Variants in GSTCD observed in about 807,000 individuals in gnomAD.
GSTCD encodes glutathione S-transferase C-terminal domain-containing protein.
GSTCD carries 44 observed loss-of-function variants against 68.3 expected under a neutral mutation model. The ratio of observed to expected loss-of-function variants is 0.64; its 90% CI spans 0.51 to 0.83. The LOEUF is 0.83. Among genes scored for constraint, GSTCD ranks in the 40% least tolerant of loss-of-function variants. GSTCD has a pLI of 0.00. For missense variants in GSTCD, 739 were observed against 735.9 expected, an observed-to-expected ratio of 1.00 and a Z score of -0.05; for synonymous variants, 273 against 255.2, an observed-to-expected ratio of 1.07 and a Z score of -0.67.
intron 5 of GSTCD, among the ~76,000 whole-genome samples, chr4:105,752,166 G>T (rs1292227875): frequency 2.6e-5 from 4 of 152,058 alleles, no homozygotes; most frequent in African/African-American, 9.7e-5. Context: ...TTCTGTTTGT[G>T]AGCCGTGAAA....
intron 8 of GSTCD, among the ~76,000 whole-genome samples, chr4:105,831,978 AT>A (rs1723915093): frequency 6.6e-6 from 1 of 152,142 alleles, no homozygotes; most frequent in Non-Finnish European, 1.5e-5. Flanking sequence ...ATTTTGTCAG[AT>A]TTATTAACCT....
chr4:105,720,777 C>T (rs1314596264), intron 3 of GSTCD, among the ~76,000 whole-genome samples: 1 of 152,176 alleles, frequency 6.6e-6, no homozygotes, highest in Non-Finnish European at 1.5e-5. Context: ...GTCATTAGAG[C>T]AGTCATTTGA....
At chr4:105,719,673 GTGA>G (rs1270315203) in intron 3 of GSTCD, 146 bp downstream of exon 3, 1 of 641,816 alleles carries the variant, frequency 1.6e-6, no homozygotes, top group African/African-American at 1.8e-5. Flanking sequence ...CTGTAAAATG[GTGA>G]TAATAATAGT....
At chr4:105,797,854 A>C (rs562867707) in intron 5 of GSTCD, among the ~76,000 whole-genome samples, 1 of 144,284 alleles carries the variant, frequency 6.9e-6, no homozygotes, top group Non-Finnish European at 1.5e-5. Context: ...GGCTCACTGC[A>C]ACCTCCGCCT....
chr4:105,772,833 C>G (rs1258006554), intron 5 of GSTCD, among the ~76,000 whole-genome samples: 1 of 152,064 alleles, frequency 6.6e-6, no homozygotes, highest in Non-Finnish European at 1.5e-5. Context: ...TTTGTTGTGT[C>G]TCTGCCAGGT....
At chr4:105,816,576 G>A (rs1271912079) in intron 5 of GSTCD, among the ~76,000 whole-genome samples, 1 of 151,998 alleles carries the variant, frequency 6.6e-6, no homozygotes, top group East Asian at 1.9e-4. Flanking sequence ...AAAAACTGAA[G>A]TAAAATACAT....
chr4:105,801,377 A>T (rs527720200), intron 5 of GSTCD, among the ~76,000 whole-genome samples: 2 of 152,154 alleles, frequency 1.3e-5, no homozygotes, highest in Non-Finnish European at 2.9e-5. Flanking sequence ...AATAATGAGA[A>T]TTGACTGTAT....
At chr4:105,786,485 G>T (rs1388769433) in intron 5 of GSTCD, among the ~76,000 whole-genome samples, 4 of 149,378 alleles carry the variant, frequency 2.7e-5, no homozygotes, top group African/African-American at 1.0e-4. Context: ...ACTGCACTCT[G>T]CCCTGGGCAA....
At chr4:105,729,612 T>C (rs945271411) in intron 5 of GSTCD, 113 bp downstream of exon 5, 26 of 513,320 alleles carry the variant, frequency 5.1e-5, no homozygotes, top group Middle Eastern at 6.5e-4. Context: ...GATTATACTA[T>C]CAGTTGAGTT....
At chr4:105,810,423 C>A (rs1722706984) in intron 5 of GSTCD, among the ~76,000 whole-genome samples, 1 of 152,016 alleles carries the variant, frequency 6.6e-6, no homozygotes, top group Non-Finnish European at 1.5e-5. Flanking sequence ...TATAAATGCC[C>A]TCATGCTACC....
intron 3 of GSTCD, among the ~76,000 whole-genome samples, chr4:105,722,602 A>G (rs1732891656): frequency 6.6e-6 from 1 of 152,082 alleles, no homozygotes; most frequent in Non-Finnish European, 1.5e-5. Context: ...GTGATTGTAA[A>G]GGAATGCAAA....
chr4:105,786,889 G>T (rs995034669), intron 5 of GSTCD, among the ~76,000 whole-genome samples: 1 of 152,036 alleles, frequency 6.6e-6, no homozygotes, highest in South Asian at 2.1e-4. Flanking sequence ...ATATACTGCC[G>T]TTAGGAATGT....
At chr4:105,742,952 CTTT>C (rs1206679533) in intron 5 of GSTCD, among the ~76,000 whole-genome samples, 2 of 139,640 alleles carry the variant, frequency 1.4e-5, no homozygotes, top group Non-Finnish European at 1.6e-5. Context: ...ATTTCTCTCT[CTTT>C]TTTTTTTTTT....
chr4:105,740,419 G>A (rs1733595660), intron 5 of GSTCD, among the ~76,000 whole-genome samples: 1 of 152,066 alleles, frequency 6.6e-6, no homozygotes, highest in Admixed American at 6.5e-5. Context: ...GTTTCCTTCA[G>A]TTCTCTGTAC....
Position 105,845,423 on chromosome 4 carries a change from C to G in GSTCD, c.1766-18C>G. 1 of 1,613,726 alleles carries G rather than the reference C, an allele frequency of 6.2e-7. No individual in the cohort carries two copies. Among genetic ancestry groups the G allele is most frequent in the Non-Finnish European group, 8.5e-7 (1 of 1,179,802 alleles). On this transcript the variant is annotated intron_variant, in intron 11 of 11. Transcript: ENST00000515279. ...CTAGTGAAAGGGTGTCTCATGATACCATTTGACTGTGTTTCAGGAAAACAG... is the reference window on the plus strand; with the variant it reads ...CTAGTGAAAGGGTGTCTCATGATACGATTTGACTGTGTTTCAGGAAAACAG...
chr4:105,837,112 G>C (rs980313510), intron 9 of GSTCD, among the ~76,000 whole-genome samples: 10 of 152,022 alleles, frequency 6.6e-5, no homozygotes, highest in African/African-American at 2.4e-4. Flanking sequence ...TAAATTTTCT[G>C]ATGTTTTACT....
chr4:105,758,481 C>A (rs1734279673), intron 5 of GSTCD, among the ~76,000 whole-genome samples: 1 of 152,170 alleles, frequency 6.6e-6, no homozygotes, highest in African/African-American at 2.4e-5. Flanking sequence ...CACTCGCTCT[C>A]TCTTGCTCCC....
Position 105,831,405 on chromosome 4 carries a change from C to T in GSTCD, c.1531-3056C>T, listed in dbSNP as rs76399907. Among the ~76,000 whole-genome samples, 1,281 of 152,180 alleles carry T rather than the reference C, an allele frequency of 8.4e-3. 22 individuals carry two copies. The highest frequency in any genetic ancestry group is 0.029 in the African/African-American group (1,217 of 41,500). ...GGGTCTAGAAGTCCAGTCAGTGACT[C>T]TCTGTTTACTTCCATATCTAAAGAA... On this transcript the variant is annotated intron_variant, in intron 8 of 11. Coordinates refer to ENST00000515279, the MANE Select transcript of GSTCD (RefSeq NM_001370181.1).
At position 105,810,892 on chromosome 4, in the gene GSTCD, T is replaced by A. The variant is rs550567569; in HGVS notation, c.1241-12062T>A. Among the ~76,000 whole-genome samples, 14 of 152,246 alleles carry A rather than the reference T, an allele frequency of 9.2e-5. No individual in the cohort carries two copies. The East Asian group carries it at 2.7e-3, about 29-fold the overall frequency. On this transcript the variant is annotated intron_variant, in intron 5 of 11. Coordinates refer to ENST00000515279, the MANE Select transcript of GSTCD (RefSeq NM_001370181.1). The stretch of plus-strand genomic sequence containing the variant: ...AGGTCCCTGGGAAATACAGTTGTCC[T>A]GAGGTGGAAGGGTCTATAATCTAAA...
Sources: gnomAD v4.1 joint callset for allele counts (sites outside exome capture counted in the v4.1 genomes callset) on GRCh38, gnomAD v4.1.1 for gene constraint, MANE v1.5 for transcripts, NCBI Gene and HGNC (gene_info 2026-07-23, HGNC 2026-07-21) for gene names.